The following ESCO1 variants were observed in gnomAD, a reference collection of about 807,000 sequenced individuals.
ESCO1 encodes the protein establishment of sister chromatid cohesion N-acetyltransferase 1, also known as N-acetyltransferase ESCO1.
A neutral mutation model predicts 83.5 loss-of-function variants in ESCO1; 33 were observed. That is an observed-to-expected ratio of 0.40 (90% CI 0.30 to 0.53). The LOEUF is 0.53. Ranked by LOEUF, ESCO1 falls within the 20% of genes least tolerant of loss-of-function variation. The pLI, the probability that ESCO1 is intolerant of heterozygous loss-of-function variation, is 0.63. For missense variants in ESCO1, 855 were observed against 968.0 expected (o/e 0.88, Z 1.55); for synonymous variants, 332 against 324.3 (o/e 1.02, Z -0.25).
At chr18:21,558,272 A>C (rs2038137755) in intron 8 of ESCO1, among the ~76,000 whole-genome samples, 1 of 152,186 alleles carries the variant, frequency 6.6e-6, no homozygotes, top group South Asian at 2.1e-4. Context: ...AAATGAAAGA[A>C]TACAGTAAGA....
At position 21,540,077 on chromosome 18, in the gene ESCO1, T is replaced by C. The variant is rs2037886046; in HGVS notation, c.1954-68A>G. On this transcript the variant is annotated intron_variant, in intron 8 of 11. Transcript: ENST00000269214. Reference sequence around the variant, plus strand: ...AATTTTATGTATATTCTATTCATTATATCCACGTACAAGATAAAAAGTACA... The same window carrying C: ...AATTTTATGTATATTCTATTCATTACATCCACGTACAAGATAAAAAGTACA... The C allele has an allele frequency of 3.0e-6, 4 of 1,311,744 alleles. No individual in the cohort carries two copies. In the South Asian group the frequency reaches 5.9e-5, roughly 19 times the overall value. The allele number at this position is 1,311,744 out of a possible 1,614,324, so 81.3% of individuals were successfully genotyped here. A position where few individuals can be genotyped will look rare whatever the true frequency, so the allele number is the denominator to read the frequency against.
chr18:21,579,200 G>A (rs2038459489), intron 2 of ESCO1, among the ~76,000 whole-genome samples: 1 of 151,500 alleles, frequency 6.6e-6, no homozygotes, highest in African/African-American at 2.4e-5. Context: ...CACCATGTTG[G>A]CCAAGCTGGT....
intron 4 of ESCO1, among the ~76,000 whole-genome samples, 175 bp from the exon 5 acceptor site, chr18:21,568,269 A>G (rs1166448497): frequency 3.3e-5 from 5 of 152,100 alleles, no homozygotes; most frequent in African/African-American, 1.2e-4. Flanking sequence ...ATCAGGGCCC[A>G]TTATTACCCT....
At chr18:21,572,529 TCAGA>T (rs1463986997) in intron 4 of ESCO1, among the ~76,000 whole-genome samples, 2 of 152,230 alleles carry the variant, frequency 1.3e-5, no homozygotes, top group Non-Finnish European at 2.9e-5. Context: ...TTTATACCTC[TCAGA>T]CAGACATTCT....
At position 21,540,013 on chromosome 18, in the gene ESCO1, G is replaced by GAT. The variant is rs35031202; in HGVS notation, c.1954-6_1954-5dup. On this transcript the variant is annotated splice_polypyrimidine_tract_variant and splice_region_variant and intron_variant, in intron 8 of 11. Coordinates refer to ENST00000269214, the MANE Select transcript of ESCO1 (RefSeq NM_052911.3). ...GAATTCTTTCTTTCTTCCAGCCCTA[G>GAT]ATATATATATATATATATACACACA... 4,928 of 1,252,300 alleles carry GAT rather than the reference G, an allele frequency of 3.9e-3. 8 individuals carry two copies. The highest frequency in any genetic ancestry group is 0.018 in the African/African-American group (1,156 of 64,822). 77.6% of individuals were successfully genotyped at this position (1,252,300 alleles called of 1,614,324 possible). A position where few individuals can be genotyped will look rare whatever the true frequency, so the allele number is the denominator to read the frequency against.
chr18:21,575,430 T>C lies in ESCO1; in HGVS notation c.-587A>G. 2.5e-6 allele frequency: 1 copy of C among 398,250 alleles called. No individual in the cohort carries two copies. Among genetic ancestry groups the C allele is most frequent in the Non-Finnish European group, 4.4e-6 (1 of 225,850 alleles). The allele number at this position is 398,250 out of a possible 1,614,324, so 24.7% of individuals were successfully genotyped here. A position where few individuals can be genotyped will look rare whatever the true frequency, so the allele number is the denominator to read the frequency against. ...ATAGATTTCCTTTTGTGCTGCCGTT[T>C]CTGAAAAATTAAAAAACAAAAATAA... On this transcript the variant is annotated splice_region_variant and 5_prime_UTR_variant, in exon 4 of 12. Coordinates refer to ENST00000269214, the MANE Select transcript of ESCO1 (RefSeq NM_052911.3).
intron 2 of ESCO1, among the ~76,000 whole-genome samples, chr18:21,580,372 T>C (rs903851116): frequency 2.0e-5 from 3 of 152,166 alleles, no homozygotes; most frequent in South Asian, 2.1e-4. Flanking sequence ...AAACCTTCCA[T>C]AGCAACACTG....
At position 21,575,743 on chromosome 18, in the gene ESCO1, T is replaced by A. The variant is rs1282035482; in HGVS notation, c.-659A>T. The A allele has an allele frequency of 7.5e-6, 3 of 398,060 alleles. No individual in the cohort carries two copies. Among genetic ancestry groups the A allele is most frequent in the Non-Finnish European group, 1.3e-5 (3 of 225,870 alleles). The allele number at this position is 398,060 out of a possible 1,614,324, so 24.7% of individuals were successfully genotyped here. A position where few individuals can be genotyped will look rare whatever the true frequency, so the allele number is the denominator to read the frequency against. On this transcript the variant is annotated 5_prime_UTR_variant, in exon 3 of 12. Transcript: ENST00000269214. ...CATGAAGAAAATTAGACAAAACCAT[T>A]CCTTCTAATATGCTCTTAACACATC...
In ESCO1 at chr18:21,529,516, T is replaced by G. The variant is rs927430085; in HGVS notation, c.*827A>C. ...AGCAGATACCGAGTCATCCATACTT[T>G]GCTTCCAAGTATTCTATACGTTTTT... On this transcript the variant is annotated 3_prime_UTR_variant, in exon 12 of 12. Coordinates refer to ENST00000269214, the MANE Select transcript of ESCO1 (RefSeq NM_052911.3). 6 of 152,238 alleles carry G rather than the reference T, an allele frequency of 3.9e-5. No homozygotes were observed. Among genetic ancestry groups the G allele is most frequent in the African/African-American group, 1.4e-4 (6 of 41,464 alleles). 9.4% of individuals were successfully genotyped at this position (152,238 alleles called of 1,614,324 possible).
At chr18:21,592,381 AC>A (rs372410222) in intron 1 of ESCO1, among the ~76,000 whole-genome samples, 127,664 of 130,382 alleles carry the variant, frequency 0.98, 62,528 homozygotes, top group Non-Finnish European at 1. Flanking sequence ...CGGGGGACTG[AC>A]CCCCCCCACC....
At chr18:21,581,679 T>C (rs1316147710) in intron 2 of ESCO1, among the ~76,000 whole-genome samples, 1 of 151,826 alleles carries the variant, frequency 6.6e-6, no homozygotes, top group African/African-American at 2.4e-5. Flanking sequence ...TTAGTACATA[T>C]AAAGGTGGTA....
chr18:21,538,375 A>G (rs1193425000), intron 9 of ESCO1, among the ~76,000 whole-genome samples: 1 of 152,086 alleles, frequency 6.6e-6, no homozygotes, highest in East Asian at 1.9e-4. Flanking sequence ...TTCGTGGGTC[A>G]GCTGTGGTTA....
Position 21,574,531 on chromosome 18 carries a change from T to C in ESCO1, c.313A>G (p.Lys105Glu). The C allele has an allele frequency of 1.2e-6, 2 of 1,613,794 alleles. No individual in the cohort carries two copies. The highest frequency in any genetic ancestry group is 2.7e-5 in the African/African-American group (2 of 74,986). The change falls in exon 4 of 12, where the codon AAA (lysine) becomes GAA (glutamate). Residue 105 changes from lysine to glutamate, a missense_variant. Physicochemically the swap from Lys to Glu is moderately conservative, Grantham distance 56. Around this residue, in one of 2 missense-constraint regions of ESCO1, gnomAD observed 726 missense variants for 699.5 expected, o/e 1.04. Transcript: ENST00000269214. Reference protein sequence around the residue: ...QESTKKKLSQKKLVHENPKAN... With the variant: ...QESTKKKLSQEKLVHENPKAN... ...TTAGGGTTTTCATGTACTAATTTTT[T>C]CTGAGATAATTTCTTTTTTGTAGAT...
intron 10 of ESCO1, among the ~76,000 whole-genome samples, chr18:21,535,217 A>G (rs1448131657): frequency 7.0e-6 from 1 of 142,578 alleles, no homozygotes; most frequent in African/African-American, 2.6e-5. Flanking sequence ...TAGTATTCTG[A>G]TTTTTTTTTT....
intron 7 of ESCO1, 129 bp from the exon 8 acceptor site, chr18:21,561,119 A>C: frequency 1.2e-6 from 1 of 851,610 alleles, no homozygotes; most frequent in Non-Finnish European, 1.6e-6. Context: ...TTCAATGTTA[A>C]TTACTAAAAA....
intron 4 of ESCO1, among the ~76,000 whole-genome samples, chr18:21,572,790 C>T (rs2038357709): frequency 6.6e-6 from 1 of 151,860 alleles, no homozygotes. Context: ...CATGGAGAAA[C>T]CCCGTCTCTA....
intron 7 of ESCO1, among the ~76,000 whole-genome samples, chr18:21,562,422 G>A (rs1013275486): frequency 2.0e-5 from 3 of 150,968 alleles, no homozygotes; most frequent in Non-Finnish European, 4.4e-5. Context: ...GTTGCAGTGA[G>A]CCAAGATTGT....
intron 6 of ESCO1, among the ~76,000 whole-genome samples, chr18:21,565,053 C>T (rs978693772): frequency 2.0e-5 from 3 of 151,276 alleles, no homozygotes; most frequent in Non-Finnish European, 4.4e-5. Context: ...TCCAGCCTGG[C>T]GACAGAGCGA....
chr18:21,588,441 T>C (rs1254330652), intron 1 of ESCO1, among the ~76,000 whole-genome samples: 1 of 146,566 alleles, frequency 6.8e-6, no homozygotes, highest in Non-Finnish European at 1.5e-5. Context: ...TTTACTTTAC[T>C]CTAAAAAAAA....
Sources: gnomAD v4.1 joint callset for allele counts (sites outside exome capture counted in the v4.1 genomes callset) on GRCh38, gnomAD v4.1.1 for gene constraint, gnomAD v4.1.1 regional missense constraint, MANE v1.5 for transcripts, NCBI Gene and HGNC (gene_info 2026-07-23, HGNC 2026-07-21) for gene names.